The following ENOX2 variants were observed in gnomAD, a reference collection of about 807,000 sequenced individuals.
ENOX2 encodes APK1 antigen.
Under a neutral mutation model 45.0 loss-of-function variants are expected in ENOX2, and 36 were observed. The observed-to-expected ratio is 0.80, with a 90% CI of 0.61 to 1.06. The LOEUF is 1.06. Ranked by LOEUF, ENOX2 falls within the 50% of genes least tolerant of loss-of-function variation. The pLI is 0.00. For synonymous variants in ENOX2, 174 were observed against 152.3 expected (o/e 1.14, Z -1.05); for missense variants, 423 against 462.5 (o/e 0.91, Z 0.78).
At chrX:130,780,579 G>GA (rs1205173842) in intron 3 of ENOX2, among the ~76,000 whole-genome samples, 2 of 111,741 alleles carry the variant, frequency 1.8e-5, no homozygotes, top group African/African-American at 6.5e-5. Flanking sequence ...CAAAAGTAGA[G>GA]AAAATACAAA....
At chrX:130,680,610 C>T (rs2037275392) in intron 5 of ENOX2, among the ~76,000 whole-genome samples, 1 of 112,302 alleles carries the variant, frequency 8.9e-6, no homozygotes, top group Non-Finnish European at 1.9e-5. Flanking sequence ...AAAGCAATTT[C>T]CAAGCAAACT....
intron 3 of ENOX2, among the ~76,000 whole-genome samples, chrX:130,716,508 A>G (rs753455210): frequency 8.9e-6 from 1 of 111,971 alleles, no homozygotes; most frequent in Non-Finnish European, 1.9e-5. Context: ...TTGTAGCTCA[A>G]TTATCCATGA....
intron 2 of ENOX2, among the ~76,000 whole-genome samples, chrX:130,830,996 C>CATCT (rs1294765333): frequency 8.9e-6 from 1 of 111,964 alleles, no homozygotes; most frequent in African/African-American, 3.2e-5. Flanking sequence ...TAAGGGGCTA[C>CATCT]ATCTGGCAAG....
chrX:130,878,260 T>C (rs1431531442), intron 2 of ENOX2, among the ~76,000 whole-genome samples: 1 of 112,205 alleles, frequency 8.9e-6, no homozygotes, highest in African/African-American at 3.2e-5. Context: ...GGGTTTCCTT[T>C]TATTTTAACT....
chrX:130,821,740 A>AT (rs2077608822), intron 2 of ENOX2, among the ~76,000 whole-genome samples: 2 of 74,830 alleles, frequency 2.7e-5, no homozygotes, highest in Non-Finnish European at 5.1e-5. Context: ...AAATAAATAA[A>AT]TTAAAAAAAA....
chrX:130,851,777 T>C (rs913042935), intron 2 of ENOX2, among the ~76,000 whole-genome samples: 1 of 112,094 alleles, frequency 8.9e-6, no homozygotes, highest in African/African-American at 3.2e-5. Context: ...CAGTATGACA[T>C]CACTGCTTTC....
chrX:130,722,816 T>TG (rs1317369104), intron 3 of ENOX2, among the ~76,000 whole-genome samples: 1 of 111,810 alleles, frequency 8.9e-6, no homozygotes, highest in African/African-American at 3.3e-5. Flanking sequence ...CCAAACCACG[T>TG]GGGGAAAGGA....
intron 5 of ENOX2, among the ~76,000 whole-genome samples, chrX:130,682,755 T>C (rs1342462935): frequency 9.0e-6 from 1 of 111,056 alleles, no homozygotes. Context: ...TGGGTAAATG[T>C]AGAAAGCCTC....
chrX:130,855,742 A>G (rs1569319198), intron 2 of ENOX2, among the ~76,000 whole-genome samples: 1 of 111,937 alleles, frequency 8.9e-6, no homozygotes, highest in Non-Finnish European at 1.9e-5. Flanking sequence ...AAAGTTTTAA[A>G]CTTTTGCTCT....
chrX:130,703,112 T>C lies in ENOX2; in HGVS notation c.97+8A>G. 1 of 1,205,615 alleles carries C rather than the reference T, an allele frequency of 8.3e-7. No homozygotes were observed. The highest frequency in any genetic ancestry group is 1.1e-6 in the Non-Finnish European group (1 of 892,217). On this transcript the variant is annotated splice_region_variant and intron_variant, in intron 4 of 14. Transcript: ENST00000394363. ...TAAGCACTTGCGAGGTGATTAAAAA[T>C]AACATACCAGGTAAAATTGGTTGTC...
chrX:130,809,758 T>G (rs1425047831), intron 2 of ENOX2, among the ~76,000 whole-genome samples: 1 of 110,599 alleles, frequency 9.0e-6, no homozygotes, highest in African/African-American at 3.3e-5. Flanking sequence ...TGTGTGTGTG[T>G]GTATGTGTGC....
intron 3 of ENOX2, among the ~76,000 whole-genome samples, chrX:130,710,847 A>C (rs948894842): frequency 2.7e-5 from 3 of 111,924 alleles, no homozygotes; most frequent in African/African-American, 9.7e-5. Flanking sequence ...CTTCACATCA[A>C]AGAAATGATC....
intron 10 of ENOX2, among the ~76,000 whole-genome samples, chrX:130,641,933 T>C (rs984218937): frequency 2.2e-4 from 24 of 111,400 alleles, no homozygotes; most frequent in Non-Finnish European, 4.1e-4. Context: ...CCAAGAATAT[T>C]GATGGAGAAG....
chrX:130,805,090 G>A (rs2077279322), intron 2 of ENOX2, among the ~76,000 whole-genome samples: 1 of 111,518 alleles, frequency 9.0e-6, no homozygotes, highest in Admixed American at 9.5e-5. Context: ...CTCACCAGAT[G>A]CCAGATCTGC....
chrX:130,623,225 A>G lies in ENOX2; in HGVS notation c.*2089T>C, dbSNP rs1274140326. 8.9e-6 allele frequency: 1 copy of G among 111,767 alleles called. No individual in the cohort carries two copies. Among genetic ancestry groups the G allele is most frequent in the African/African-American group, 3.3e-5 (1 of 30,686 alleles). 9.2% of individuals were successfully genotyped at this position (111,767 alleles called of 1,213,427 possible). On this transcript the variant is annotated 3_prime_UTR_variant, in exon 15 of 15. Coordinates refer to ENST00000394363, the MANE Select transcript of ENOX2 (RefSeq NM_006375.4). ...CAAGCAAACTGGGAGGAGTATACCT[A>G]TACTAAACTGGCAGGAGTAACAGAA...
chrX:130,803,312 C>G (rs2077251796), intron 2 of ENOX2, among the ~76,000 whole-genome samples: 1 of 111,861 alleles, frequency 8.9e-6, no homozygotes, highest in Non-Finnish European at 1.9e-5. Context: ...ACTGATTTTT[C>G]TAAGCCTCTG....
chrX:130,780,123 C>A (rs910085580), intron 3 of ENOX2, among the ~76,000 whole-genome samples: 1 of 110,284 alleles, frequency 9.1e-6, no homozygotes, highest in African/African-American at 3.3e-5. Context: ...AGTAGTGGAT[C>A]GGTGTGGCTG....
intron 2 of ENOX2, among the ~76,000 whole-genome samples, chrX:130,876,695 T>C (rs1344621578): frequency 6.3e-5 from 7 of 111,623 alleles, no homozygotes; most frequent in Non-Finnish European, 1.1e-4. Context: ...TTTGAAGGGC[T>C]ACCAGTTGCT....
At position 130,635,072 on chromosome X, in the gene ENOX2, T is replaced by A; in HGVS notation, c.1331A>T (p.Glu444Val). The A allele has an allele frequency of 8.6e-7, 1 of 1,158,782 alleles. No homozygotes were observed. The highest frequency in any genetic ancestry group is 1.2e-6 in the Non-Finnish European group (1 of 850,837). Residue 444 changes from glutamate (E) to valine (V), a missense_variant, in exon 12 of 15, where the codon GAG becomes GTG. Physicochemically the swap from Glu to Val is moderately radical, Grantham distance 121. Around this residue, in one of 5 missense-constraint regions of ENOX2, gnomAD observed 108 missense variants for 70.6 expected, o/e 1.53. Transcript: ENST00000394363. ...GMQQHLLKVQEEYKKKEAELE... is the reference protein window; with the variant it reads ...GMQQHLLKVQVEYKKKEAELE... ...TTCAGCTTCTTTCTTTTTGTATTCCTCTTGGACTTTGAGTAGATGCTACAA... is the reference window on the plus strand; with the variant it reads ...TTCAGCTTCTTTCTTTTTGTATTCCACTTGGACTTTGAGTAGATGCTACAA...
Sources: allele counts gnomAD v4.1 joint callset (sites outside exome capture counted in the v4.1 genomes callset), GRCh38; gene constraint gnomAD v4.1.1; regional missense constraint gnomAD v4.1.1; transcripts MANE v1.5; gene names NCBI Gene and HGNC (gene_info 2026-07-23, HGNC 2026-07-21).